Variants in VWA3A observed in about 807,000 individuals in gnomAD.
The protein encoded by VWA3A is von Willebrand factor A domain containing 3A.
In VWA3A, 134 loss-of-function variants were observed where a neutral mutation model predicts 160.4. The ratio of observed to expected loss-of-function variants is 0.84; its 90% confidence interval spans 0.73 to 0.96. The LOEUF (loss-of-function observed/expected upper bound fraction) is 0.96. Among genes scored for constraint, VWA3A ranks in the 40% least tolerant of loss-of-function variants. VWA3A has a pLI of 0.00. For synonymous variants in VWA3A, 476 were observed against 543.4 expected, an observed-to-expected ratio of 0.88 and a Z score of 1.72; for missense variants, 1,310 against 1,447.9, an observed-to-expected ratio of 0.90 and a Z score of 1.55.
chr16:22,156,944 A>G lies in VWA3A; in HGVS notation c.*927A>G, dbSNP rs2046450572. 6.6e-6 allele frequency: 1 copy of G among 152,188 alleles called. No individual in the cohort carries two copies. Among genetic ancestry groups the G allele is most frequent in the Non-Finnish European group, 1.5e-5 (1 of 68,026 alleles). The allele number at this position is 152,188 out of a possible 1,614,324, so 9.4% of individuals were successfully genotyped here. On this transcript the variant is annotated 3_prime_UTR_variant, in exon 34 of 34. Transcript: ENST00000389398. ...TTTATTAAAAGACTCATACCATAAT[A>G]AAGAATTTCAATAAGAAAAAGATAA... is the stretch of plus-strand genomic sequence containing the variant.
In VWA3A at chr16:22,146,698, C is replaced by T. The variant is rs183780967; in HGVS notation, c.2839+354C>T. Among the ~76,000 whole-genome samples, 12 of 151,884 alleles carry T rather than the reference C, an allele frequency of 7.9e-5. No individual in the cohort carries two copies. The South Asian group carries it at 1.7e-3, about 21-fold the overall frequency. On this transcript the variant is annotated intron_variant, in intron 27 of 33. Coordinates refer to ENST00000389398, the MANE Select transcript of VWA3A (RefSeq NM_173615.5). ...ACTCAGGAGGCTGAGGCAGGAAAAT[C>T]GCAGAGGTTGCAGTGAGCTGAGATC... is the stretch of plus-strand genomic sequence containing the variant.
At position 22,110,854 on chromosome 16, in the gene VWA3A, C is replaced by A. The variant is rs772616820; in HGVS notation, c.583-34C>A. 6.1e-5 allele frequency: 96 copies of A among 1,566,118 alleles called. 1 individual carries two copies. In the Middle Eastern group the frequency reaches 5.5e-3, roughly 90 times the overall value. ...AAAGCCAGGCTCCCGATTCCCCTGG[C>A]TGTGGGAGCCAGTGATGTCCTTTTG... On this transcript the variant is annotated intron_variant, in intron 7 of 33. Transcript: ENST00000389398.
intron 6 of VWA3A, among the ~76,000 whole-genome samples, chr16:22,104,331 T>C (rs1174860340): frequency 6.6e-6 from 1 of 151,832 alleles, no homozygotes; most frequent in Admixed American, 6.6e-5. Context: ...CTACTAAAAA[T>C]ACAAAAAATT....
At chr16:22,138,219 C>A in intron 21 of VWA3A, 141 bp from the exon 22 acceptor site, 6 of 960,562 alleles carry the variant, frequency 6.2e-6, no homozygotes, top group African/African-American at 1.7e-5. Flanking sequence ...CTTTCAGCCC[C>A]AGGTGGCTTT....
At chr16:22,119,641 G>T (rs1377318345) in intron 12 of VWA3A, among the ~76,000 whole-genome samples, 1 of 152,210 alleles carries the variant, frequency 6.6e-6, no homozygotes, top group Non-Finnish European at 1.5e-5. Flanking sequence ...CTGTGCTCCA[G>T]CCTGGGCAAC....
Position 22,123,129 on chromosome 16 carries a change from C to G in VWA3A, c.1401C>G (p.Asn467Lys). The G allele has an allele frequency of 6.2e-7, 1 of 1,606,088 alleles. No individual in the cohort carries two copies. The highest frequency in any genetic ancestry group is 1.1e-5 in the South Asian group (1 of 89,114). ...AATGGCACGACGGGACAGTGAAGAA[C>G]ATTCATGTGGACCCACCCTTCCTCT... ...QFEWHDGTVK[N>K]IHVDPPFLYK... The change falls in exon 15 of 34, where the codon AAC becomes AAG. Residue 467 changes from asparagine (N) to lysine (K), a missense_variant. Transcript: ENST00000389398.
intron 31 of VWA3A, 76 bp from the exon 32 acceptor site, chr16:22,155,491 A>C: frequency 7.5e-7 from 1 of 1,340,890 alleles, no homozygotes; most frequent in South Asian, 1.2e-5. Context: ...GATTAGCTCT[A>C]AAATGCTTTT....
Position 22,097,585 on chromosome 16 carries a change from A to G in VWA3A, c.115A>G (p.Thr39Ala). 1 of 1,551,636 alleles carries G rather than the reference A, an allele frequency of 6.4e-7. No individual in the cohort carries two copies. The highest frequency in any genetic ancestry group is 8.7e-7 in the Non-Finnish European group (1 of 1,146,980). The change falls in exon 3 of 34, where the codon ACT (threonine) becomes GCT (alanine). Residue 39 changes from threonine to alanine, a missense_variant. Coordinates refer to ENST00000389398, the MANE Select transcript of VWA3A (RefSeq NM_173615.5). ...TATGTTTTGTAGCATTAGGAGAAAC[A>G]CTGGCAGAGATTCAAAGAAGCCACT... The part of the protein sequence containing the change: ...FLENHCIRRN[T>A]GRDSKKPLKQ...
intron 17 of VWA3A, among the ~76,000 whole-genome samples, chr16:22,128,474 A>T (rs560982313): frequency 1.3e-5 from 2 of 152,262 alleles, no homozygotes; most frequent in South Asian, 2.1e-4. Context: ...GCACTTACAC[A>T]CTTGGTGGGA....
intron 21 of VWA3A, among the ~76,000 whole-genome samples, chr16:22,135,578 G>A (rs1304400768): frequency 6.6e-6 from 1 of 152,034 alleles, no homozygotes; most frequent in Non-Finnish European, 1.5e-5. Context: ...TGAGACCCAA[G>A]GCTTCAGAAG....
chr16:22,135,421 C>T (rs1445444974), intron 21 of VWA3A, among the ~76,000 whole-genome samples: 1 of 152,182 alleles, frequency 6.6e-6, no homozygotes, highest in African/African-American at 2.4e-5. Flanking sequence ...ATATGCCTCA[C>T]CGTAATTTGT....
At chr16:22,142,175 G>T (rs1026521316) in intron 24 of VWA3A, among the ~76,000 whole-genome samples, 14 of 152,148 alleles carry the variant, frequency 9.2e-5, no homozygotes, top group Admixed American at 7.9e-4. Flanking sequence ...CAGAGAAATT[G>T]ACATGAAAAA....
chr16:22,153,738 AT>A (rs66519465), intron 31 of VWA3A, among the ~76,000 whole-genome samples: 21 of 132,532 alleles, frequency 1.6e-4, no homozygotes, highest in East Asian at 4.4e-4. Context: ...ACATGGCATA[AT>A]TTTTTTTTTT....
intron 12 of VWA3A, among the ~76,000 whole-genome samples, chr16:22,120,013 C>CA (rs796688602): frequency 0.027 from 2,918 of 109,696 alleles, 76 homozygotes; most frequent in African/African-American, 0.082. Context: ...ACAAGACTCC[C>CA]AAAAAAAAAA....
rs575563511 is a variant in VWA3A at position 22,147,727 on chromosome 16, G to A, written c.2840-435G>A. The A allele has an allele frequency of 2.5e-4, 178 of 698,106 alleles. 1 individual carries two copies. In the African/African-American group the frequency reaches 2.7e-3, roughly 10 times the overall value. 43.2% of individuals were successfully genotyped at this position (698,106 alleles called of 1,614,324 possible). ...CTCGGTTCACATTACCCCTGGGAAC[G>A]GTGACATAAAACCAGAGATCCAGCG... is the stretch of plus-strand genomic sequence containing the variant. On this transcript the variant is annotated intron_variant, in intron 27 of 33. Coordinates refer to ENST00000389398, the MANE Select transcript of VWA3A (RefSeq NM_173615.5).
chr16:22,119,299 A>G (rs2045696305), intron 12 of VWA3A, among the ~76,000 whole-genome samples: 1 of 152,188 alleles, frequency 6.6e-6, no homozygotes, highest in African/African-American at 2.4e-5. Flanking sequence ...CACCCTCTCT[A>G]TCCTGTCACT....
intron 5 of VWA3A, among the ~76,000 whole-genome samples, chr16:22,102,878 G>A (rs922612113): frequency 6.6e-6 from 1 of 152,136 alleles, no homozygotes; most frequent in African/African-American, 2.4e-5. Context: ...TGTGGAGAAA[G>A]GAGACGAGGT....
intron 14 of VWA3A, among the ~76,000 whole-genome samples, chr16:22,122,265 ATGGATGGATGGATGGG>A (rs1249634768): frequency 1.3e-5 from 2 of 148,926 alleles, no homozygotes; most frequent in Admixed American, 6.6e-5. Flanking sequence ...GGATGAGTGG[ATGGATGGATGGATGGG>A]TGGATGGATG....
At chr16:22,100,346 C>T in intron 4 of VWA3A, 28 bp downstream of exon 4, 1 of 1,551,612 alleles carries the variant, frequency 6.4e-7, no homozygotes, top group Non-Finnish European at 8.7e-7. Context: ...CCCCGCACCC[C>T]CCACAGCTGC....
Sources: allele counts gnomAD v4.1 joint callset (sites outside exome capture counted in the v4.1 genomes callset), GRCh38; gene constraint gnomAD v4.1.1; transcripts MANE v1.5; gene names NCBI Gene and HGNC (gene_info 2026-07-23, HGNC 2026-07-21).